C7orf78: variants seen among roughly 807,000 people sequenced by gnomAD.
The protein encoded by C7orf78 is putative uncharacterized protein C7orf78.
chr7:12,501,636 C>T, the C7orf78 span, among the ~76,000 whole-genome samples: 18,110 of 132,964 alleles, frequency 0.14, 1,313 homozygotes, highest in Middle Eastern at 0.21. Context: ...GAATCAATAT[C>T]GTGAAAATGG....
chr7:12,522,940 C>G, the C7orf78 span: 4 of 397,858 alleles, frequency 1.0e-5, no homozygotes, highest in Non-Finnish European at 1.8e-5. Context: ...GCTATAGTGA[C>G]AAGCTTCACC....
At chr7:12,504,865 AT>A in the C7orf78 span, among the ~76,000 whole-genome samples, 4 of 152,170 alleles carry the variant, frequency 2.6e-5, no homozygotes, top group South Asian at 6.2e-4. Context: ...ATTATATTAC[AT>A]TTTTTTATAT....
At chr7:12,516,934 A>G in the C7orf78 span, among the ~76,000 whole-genome samples, 3 of 152,162 alleles carry the variant, frequency 2.0e-5, no homozygotes, top group African/African-American at 7.2e-5. Context: ...CTTGTCTCAG[A>G]TGAGACTTTG....
chr7:12,526,508 A>T, the C7orf78 span, among the ~76,000 whole-genome samples: 1 of 152,172 alleles, frequency 6.6e-6, no homozygotes, highest in Non-Finnish European at 1.5e-5. Flanking sequence ...AAATTAACCA[A>T]TAAGATGTTA....
chr7:12,531,657 G>T, the C7orf78 span, among the ~76,000 whole-genome samples: 4 of 152,070 alleles, frequency 2.6e-5, no homozygotes, highest in Admixed American at 6.6e-5. Context: ...ATTACCTGTG[G>T]CTTAGTTTTC....
At chr7:12,516,724 T>G in the C7orf78 span, among the ~76,000 whole-genome samples, 6 of 152,124 alleles carry the variant, frequency 3.9e-5, no homozygotes, top group Non-Finnish European at 8.8e-5. Flanking sequence ...AGACCTGGAG[T>G]CAAAGGAGAT....
At chr7:12,510,385 A>G in the C7orf78 span, among the ~76,000 whole-genome samples, 1 of 152,108 alleles carries the variant, frequency 6.6e-6, no homozygotes, top group Non-Finnish European at 1.5e-5. Flanking sequence ...GGGTCTCACC[A>G]TGTTGCCCAG....
chr7:12,522,177 G>C, the C7orf78 span, among the ~76,000 whole-genome samples: 4,367 of 152,070 alleles, frequency 0.029, 199 homozygotes, highest in African/African-American at 0.099. Context: ...TAGCACAAGA[G>C]AAGGAAATTC....
chr7:12,502,975 T>C, the C7orf78 span, among the ~76,000 whole-genome samples: 1 of 150,252 alleles, frequency 6.7e-6, no homozygotes, highest in Admixed American at 6.6e-5. Context: ...CACTAAACTA[T>C]CGCAACAACA....
chr7:12,503,233 T>TAAATAAATAAATAAATAAATA, the C7orf78 span, among the ~76,000 whole-genome samples: 6 of 135,606 alleles, frequency 4.4e-5, no homozygotes, highest in Admixed American at 1.4e-4. Context: ...TAAAGTATAA[T>TAAATAAATAAATAAATAAATA]AATAAACAAA....
the C7orf78 span, among the ~76,000 whole-genome samples, chr7:12,492,742 C>T: frequency 6.6e-6 from 1 of 152,168 alleles, no homozygotes; most frequent in African/African-American, 2.4e-5. Context: ...TGGAGTATGA[C>T]AGCATCAAAT....
chr7:12,512,118 T>TTTAG, the C7orf78 span, among the ~76,000 whole-genome samples: 1 of 151,784 alleles, frequency 6.6e-6, no homozygotes, highest in South Asian at 2.1e-4. Context: ...GTGGAGACTT[T>TTTAG]TGGTTTTTCT....
At chr7:12,512,731 T>C in the C7orf78 span, among the ~76,000 whole-genome samples, 1 of 152,168 alleles carries the variant, frequency 6.6e-6, no homozygotes, top group Admixed American at 6.5e-5. Flanking sequence ...CTTCAATTTT[T>C]TGGAATAGTT....
chr7:12,519,947 TGTGACCCA>T, the C7orf78 span, among the ~76,000 whole-genome samples: 1 of 152,192 alleles, frequency 6.6e-6, no homozygotes, highest in Non-Finnish European at 1.5e-5. Context: ...CAGGAGTGTG[TGTGACCCA>T]GTGCATTTTC....
At chr7:12,493,605 T>C in the C7orf78 span, among the ~76,000 whole-genome samples, 3 of 152,234 alleles carry the variant, frequency 2.0e-5, no homozygotes, top group Non-Finnish European at 4.4e-5. Flanking sequence ...ATTTAGTCAC[T>C]GTACTACAGA....
the C7orf78 span, among the ~76,000 whole-genome samples, chr7:12,523,830 C>A: frequency 6.6e-6 from 1 of 152,044 alleles, no homozygotes; most frequent in African/African-American, 2.4e-5. Flanking sequence ...AAGGGATATT[C>A]TATTACTTTA....
At chr7:12,506,105 C>T in the C7orf78 span, 3 of 152,364 alleles carry the variant, frequency 2.0e-5, no homozygotes, top group African/African-American at 7.2e-5. Context: ...TCATCTCACA[C>T]CAGTTAGAAT....
At chr7:12,484,715 G>C in the C7orf78 span, among the ~76,000 whole-genome samples, 1 of 152,124 alleles carries the variant, frequency 6.6e-6, no homozygotes, top group African/African-American at 2.4e-5. Context: ...TTTCAGGTTG[G>C]AGGTGTAATA....
the C7orf78 span, among the ~76,000 whole-genome samples, chr7:12,539,913 T>A: frequency 6.6e-6 from 1 of 152,184 alleles, no homozygotes; most frequent in African/African-American, 2.4e-5. Flanking sequence ...TCTGGTGAGT[T>A]TCACTTCTTG....
Sources: allele counts gnomAD v4.1 joint callset (sites outside exome capture counted in the v4.1 genomes callset), GRCh38; gene constraint gnomAD v4.1.1; transcripts MANE v1.5; gene names NCBI Gene and HGNC (gene_info 2026-07-23, HGNC 2026-07-21).